CENPW: variants seen among roughly 807,000 people sequenced by gnomAD.
CENPW encodes cancer-up-regulated gene 2 protein.
In CENPW, 3 loss-of-function variants were observed where a neutral mutation model predicts 11.1. That is an observed-to-expected ratio of 0.27 (90% CI 0.12 to 0.70). The LOEUF is 0.70. Among genes scored for constraint, CENPW ranks in the 30% least tolerant of loss-of-function variants. The pLI is 0.77. For synonymous variants in CENPW, 38 were observed against 42.0 expected, an observed-to-expected ratio of 0.91 and a Z score of 0.37; for missense variants, 100 against 105.6, an observed-to-expected ratio of 0.95 and a Z score of 0.23.
chr6:126,373,644 C>T, the CENPW span, among the ~76,000 whole-genome samples: 1 of 152,184 alleles, frequency 6.6e-6, no homozygotes, highest in African/African-American at 2.4e-5. Context: ...CGCTTGAGTT[C>T]TCAGGATTCC....
intron 1 of CENPW, among the ~76,000 whole-genome samples, chr6:126,342,541 C>T (rs1225534769): frequency 6.6e-6 from 1 of 152,094 alleles, no homozygotes; most frequent in East Asian, 1.9e-4. Flanking sequence ...AATTAATCTA[C>T]TTTTATGCTG....
At chr6:126,411,312 G>C in the CENPW span, among the ~76,000 whole-genome samples, 2 of 152,296 alleles carry the variant, frequency 1.3e-5, no homozygotes, top group Admixed American at 6.5e-5. Context: ...CAGTGACATA[G>C]TTTGTTAATG....
At chr6:126,451,653 G>A in the CENPW span, among the ~76,000 whole-genome samples, 13 of 150,986 alleles carry the variant, frequency 8.6e-5, no homozygotes, top group Non-Finnish European at 1.3e-4. Context: ...CTGATCAGTG[G>A]AGGCATGACC....
At chr6:126,462,215 C>T in the CENPW span, among the ~76,000 whole-genome samples, 4 of 151,958 alleles carry the variant, frequency 2.6e-5, no homozygotes, top group African/African-American at 9.6e-5. Context: ...TATTTGTACA[C>T]AGTAAAATAG....
chr6:126,442,231 G>T, the CENPW span, among the ~76,000 whole-genome samples: 2 of 151,518 alleles, frequency 1.3e-5, no homozygotes, highest in African/African-American at 2.4e-5. Flanking sequence ...TCATATGTTT[G>T]TTGGCCATTT....
At chr6:126,462,528 T>TCACA in the CENPW span, among the ~76,000 whole-genome samples, 9 of 147,764 alleles carry the variant, frequency 6.1e-5, no homozygotes, top group Admixed American at 6.8e-5. Flanking sequence ...TCTCTCTCTC[T>TCACA]CTCTCACACA....
the CENPW span, among the ~76,000 whole-genome samples, chr6:126,362,778 A>C: frequency 6.6e-6 from 1 of 152,016 alleles, no homozygotes; most frequent in Non-Finnish European, 1.5e-5. Context: ...TTCTTCTCCT[A>C]TGATTTCCTG....
chr6:126,405,411 T>G, the CENPW span, among the ~76,000 whole-genome samples: 1 of 152,116 alleles, frequency 6.6e-6, no homozygotes, highest in Non-Finnish European at 1.5e-5. Flanking sequence ...GCTATAGTTT[T>G]GTGGTATATT....
the CENPW span, among the ~76,000 whole-genome samples, chr6:126,371,681 T>C: frequency 6.6e-6 from 1 of 152,188 alleles, no homozygotes; most frequent in Admixed American, 6.5e-5. Context: ...GAATGTCTGA[T>C]AGAATTCAGC....
the CENPW span, among the ~76,000 whole-genome samples, chr6:126,478,347 A>G: frequency 1.3e-5 from 2 of 151,802 alleles, no homozygotes; most frequent in Non-Finnish European, 2.9e-5. Context: ...CTAAGCTGGA[A>G]AAAAATTCTA....
At chr6:126,416,553 G>T in the CENPW span, among the ~76,000 whole-genome samples, 1 of 152,302 alleles carries the variant, frequency 6.6e-6, no homozygotes, top group African/African-American at 2.4e-5. Flanking sequence ...GGAGGAAAAA[G>T]TAGTTTTGTG....
chr6:126,360,689 T>C, the CENPW span, among the ~76,000 whole-genome samples: 2 of 152,100 alleles, frequency 1.3e-5, no homozygotes, highest in African/African-American at 2.4e-5. Flanking sequence ...GGTTTTTTTT[T>C]TCCCCCCAAC....
chr6:126,464,335 G>T, the CENPW span, among the ~76,000 whole-genome samples: 1,033 of 152,108 alleles, frequency 6.8e-3, 4 homozygotes, highest in Non-Finnish European at 0.011. Context: ...TCTGATAGAG[G>T]GTACTGTGAT....
chr6:126,402,820 C>A, the CENPW span, among the ~76,000 whole-genome samples: 1 of 151,906 alleles, frequency 6.6e-6, no homozygotes, highest in African/African-American at 2.4e-5. Context: ...TATGAATATT[C>A]ATGTACAAAG....
At chr6:126,433,822 G>A in the CENPW span, among the ~76,000 whole-genome samples, 2 of 151,836 alleles carry the variant, frequency 1.3e-5, no homozygotes, top group African/African-American at 2.4e-5. Flanking sequence ...TAAGGGGAAC[G>A]GCTGAATTTA....
chr6:126,454,995 T>C, the CENPW span, among the ~76,000 whole-genome samples: 1 of 151,156 alleles, frequency 6.6e-6, no homozygotes, highest in South Asian at 2.1e-4. Context: ...CCTGGAAACA[T>C]ACAACCTCCC....
chr6:126,410,034 G>A, the CENPW span, among the ~76,000 whole-genome samples: 1 of 150,644 alleles, frequency 6.6e-6, no homozygotes, highest in East Asian at 2.0e-4. Context: ...TTTTTTTTAT[G>A]GTGATCAGAT....
At chr6:126,355,162 TG>T in the CENPW span, among the ~76,000 whole-genome samples, 2 of 152,136 alleles carry the variant, frequency 1.3e-5, no homozygotes, top group African/African-American at 2.4e-5. Context: ...GTTTAGAAAT[TG>T]TACCTACTAC....
chr6:126,413,986 CAAATG>C, the CENPW span, among the ~76,000 whole-genome samples: 14 of 151,428 alleles, frequency 9.2e-5, no homozygotes, highest in African/African-American at 3.4e-4. Flanking sequence ...ATATTTCACT[CAAATG>C]AAAACAAAAA....
Sources: gnomAD v4.1 joint callset for allele counts (sites outside exome capture counted in the v4.1 genomes callset) on GRCh38, gnomAD v4.1.1 for gene constraint, MANE v1.5 for transcripts, NCBI Gene and HGNC (gene_info 2026-07-23, HGNC 2026-07-21) for gene names.